KAZN: variants seen among roughly 807,000 people sequenced by gnomAD.
KAZN encodes the protein kazrin, periplakin interacting protein.
Under a neutral mutation model 87.4 loss-of-function variants are expected in KAZN, and 40 were observed. That is an observed-to-expected ratio of 0.46 (90% CI 0.36 to 0.60). KAZN has a LOEUF of 0.60. Ranked by LOEUF, KAZN falls within the 20% of genes least tolerant of loss-of-function variation. The probability of loss-of-function intolerance (pLI) is 0.00; values close to 1 mark genes in which losing one functional copy is unlikely to be tolerated. For synonymous variants in KAZN, 466 were observed against 458.3 expected (o/e 1.02, Z -0.22); for missense variants, 898 against 1,073.9 (o/e 0.84, Z 2.29).
chr1:14,136,909 T>G (rs1225026207), intron 1 of KAZN, among the ~76,000 whole-genome samples: 3 of 152,048 alleles, frequency 2.0e-5, no homozygotes, highest in Non-Finnish European at 4.4e-5. Context: ...TCAGTGGGGC[T>G]GGGGGCTTGG....
intron 1 of KAZN, among the ~76,000 whole-genome samples, chr1:13,946,097 T>C (rs538148486): frequency 6.6e-6 from 1 of 152,264 alleles, no homozygotes; most frequent in African/African-American, 2.4e-5. Context: ...AAACCCAGAG[T>C]TAGCTTTTCT....
chr1:14,270,705 T>C (rs1651848874), intron 2 of KAZN, among the ~76,000 whole-genome samples: 1 of 152,246 alleles, frequency 6.6e-6, no homozygotes, highest in Admixed American at 6.5e-5. Context: ...TCATTAATCA[T>C]GTGCTTTCAA....
At chr1:14,252,302 G>T (rs977676652) in intron 2 of KAZN, among the ~76,000 whole-genome samples, 1 of 152,144 alleles carries the variant, frequency 6.6e-6, no homozygotes, top group African/African-American at 2.4e-5. Context: ...GATAAACTTG[G>T]AGTTCACACT....
In KAZN at chr1:14,643,454, G is replaced by A. The variant is rs1461560646; in HGVS notation, c.226+44231G>A. 2.0e-5 allele frequency among the ~76,000 whole-genome samples: 3 copies of A among 152,166 alleles called. No homozygotes were observed. In the East Asian group the frequency reaches 5.8e-4, roughly 29 times the overall value. The stretch of plus-strand genomic sequence containing the variant: ...TCCTGTTCCTGCATTAGTTTGCTAA[G>A]GATAATGGCCTCCAGCTCTATCTAT... On this transcript the variant is annotated intron_variant, in intron 1 of 14. Transcript: ENST00000376030.
At chr1:14,928,443 A>T (rs7520718) in intron 1 of KAZN, among the ~76,000 whole-genome samples, 1 of 150,426 alleles carries the variant, frequency 6.6e-6, no homozygotes, top group African/African-American at 2.5e-5. Context: ...AGCGAGACTC[A>T]GTCTCAAAAA....
chr1:14,136,212 A>C (rs1645105995), intron 1 of KAZN, among the ~76,000 whole-genome samples: 1 of 152,128 alleles, frequency 6.6e-6, no homozygotes, highest in African/African-American at 2.4e-5. Flanking sequence ...GGAGGGAGGC[A>C]GGACTGCAGA....
chr1:15,093,487 C>T (rs778840437), intron 8 of KAZN, among the ~76,000 whole-genome samples: 22 of 151,934 alleles, frequency 1.4e-4, no homozygotes, highest in Non-Finnish European at 2.4e-4. Context: ...GAGAAGCACA[C>T]AGTTTCATGT....
intron 2 of KAZN, among the ~76,000 whole-genome samples, chr1:14,407,270 G>A (rs1663932483): frequency 6.6e-6 from 1 of 152,210 alleles, no homozygotes; most frequent in Non-Finnish European, 1.5e-5. Context: ...GAGAGGACTT[G>A]CTGGGTCATA....
chr1:15,050,280 C>T (rs921953808), intron 4 of KAZN, among the ~76,000 whole-genome samples: 4 of 152,278 alleles, frequency 2.6e-5, no homozygotes, highest in South Asian at 2.1e-4. Context: ...CAGGCAGGCA[C>T]GCTGCAGAAC....
chr1:14,114,849 T>G (rs564740480), intron 1 of KAZN, among the ~76,000 whole-genome samples: 1 of 152,330 alleles, frequency 6.6e-6, no homozygotes, highest in South Asian at 2.1e-4. Context: ...AGGCAGGTGC[T>G]GTTACCGTTC....
At chr1:14,213,606 T>G (rs1430110724) in intron 2 of KAZN, among the ~76,000 whole-genome samples, 1 of 152,154 alleles carries the variant, frequency 6.6e-6, no homozygotes, top group Non-Finnish European at 1.5e-5. Flanking sequence ...GTTAGTTGGT[T>G]AGAAAGGTCA....
Position 15,013,923 on chromosome 1 carries a change from C to T in KAZN, c.419-20826C>T, listed in dbSNP as rs147191202. ...GATGGGAAGTGCAAAGGCCCCGTGGCATGCTAGAGAAATCGTTGCTCTGCA... is the reference window on the plus strand; with the variant it reads ...GATGGGAAGTGCAAAGGCCCCGTGGTATGCTAGAGAAATCGTTGCTCTGCA... On this transcript the variant is annotated intron_variant, in intron 2 of 14. Transcript: ENST00000376030. Among the ~76,000 whole-genome samples, 579 of 152,212 alleles carry T rather than the reference C, an allele frequency of 3.8e-3. 6 individuals carry two copies. The highest frequency in any genetic ancestry group is 0.017 in the Middle Eastern group (5 of 290).
At chr1:14,293,537 C>T (rs1162791973) in intron 2 of KAZN, among the ~76,000 whole-genome samples, 6 of 152,098 alleles carry the variant, frequency 3.9e-5, no homozygotes, top group African/African-American at 1.2e-4. Context: ...TGGAAGATAC[C>T]GACATTGTGC....
At chr1:14,519,914 A>C (rs1671495987) in intron 2 of KAZN, among the ~76,000 whole-genome samples, 2 of 152,120 alleles carry the variant, frequency 1.3e-5, no homozygotes, top group African/African-American at 4.8e-5. Flanking sequence ...GAGTGTCCTC[A>C]GGCACCCAGA....
chr1:14,969,909 G>A (rs1433698800), intron 2 of KAZN, among the ~76,000 whole-genome samples: 2 of 152,138 alleles, frequency 1.3e-5, no homozygotes, highest in African/African-American at 4.8e-5. Context: ...TACCTCCTGG[G>A]TTCAAGCGAT....
intron 1 of KAZN, among the ~76,000 whole-genome samples, chr1:14,740,082 C>T (rs912088230): frequency 3.3e-5 from 5 of 152,228 alleles, no homozygotes; most frequent in African/African-American, 9.6e-5. Flanking sequence ...CCTTGCAAAG[C>T]GGGGTTTTTG....
At chr1:14,752,819 T>C (rs113531419) in intron 1 of KAZN, among the ~76,000 whole-genome samples, 3,921 of 152,232 alleles carry the variant, frequency 0.026, 187 homozygotes, top group African/African-American at 0.09. Context: ...GCCCATCCTT[T>C]TTCCACCACC....
intron 2 of KAZN, among the ~76,000 whole-genome samples, chr1:14,468,755 G>T (rs574788616): frequency 6.6e-6 from 1 of 152,328 alleles, no homozygotes; most frequent in East Asian, 1.9e-4. Context: ...ATCAGTGTCT[G>T]GTTGGTGGTG....
At chr1:14,202,966 G>A (rs1433417808) in intron 2 of KAZN, among the ~76,000 whole-genome samples, 5 of 152,034 alleles carry the variant, frequency 3.3e-5, no homozygotes, top group East Asian at 1.9e-4. Context: ...GCCGTGAGCC[G>A]AGATCGCACC....
Sources: gnomAD v4.1 joint callset for allele counts (sites outside exome capture counted in the v4.1 genomes callset) on GRCh38, gnomAD v4.1.1 for gene constraint, MANE v1.5 for transcripts, NCBI Gene and HGNC (gene_info 2026-07-23, HGNC 2026-07-21) for gene names.